Variants in BNIP3 observed in about 807,000 individuals in gnomAD.
The protein encoded by BNIP3 is BCL2/adenovirus E1B 19 kDa protein-interacting protein 3.
Under a neutral mutation model 23.9 loss-of-function variants are expected in BNIP3, and 16 were observed. The ratio of observed to expected loss-of-function variants is 0.67; its 90% CI spans 0.45 to 1.01. The LOEUF is 1.01. Ranked by LOEUF, BNIP3 falls within the 50% of genes least tolerant of loss-of-function variation. The pLI, the probability that BNIP3 is intolerant of heterozygous loss-of-function variation, is 0.00. For synonymous variants in BNIP3, 81 were observed against 89.3 expected, an observed-to-expected ratio of 0.91 and a Z score of 0.53; for missense variants, 198 against 248.7, an observed-to-expected ratio of 0.80 and a Z score of 1.37.
Position 131,976,702 on chromosome 10 carries a change from G to A in BNIP3, c.47-2759C>T, listed in dbSNP as rs2037080087. Among the ~76,000 whole-genome samples the A allele has an allele frequency of 6.6e-6, 1 of 151,806 alleles. No homozygotes were observed. Among genetic ancestry groups the A allele is most frequent in the African/African-American group, 2.4e-5 (1 of 41,270 alleles). On this transcript the variant is annotated intron_variant, in intron 1 of 5. Coordinates refer to ENST00000368636, the MANE Select transcript of BNIP3 (RefSeq NM_004052.4). The surrounding 1 kb of genome is among the most constrained non-coding windows in gnomAD (Gnocchi z 4.3). ...CCCAACCATGCTACCCGCACCTCAT[G>A]GCTCCCCCATCTCCATCTCCAGTCC... is the stretch of plus-strand genomic sequence containing the variant.
chr10:131,968,732 T>C (rs567680403), intron 5 of BNIP3, 163 bp from the exon 6 acceptor site: 79 of 564,338 alleles, frequency 1.4e-4, no homozygotes, highest in Non-Finnish European at 2.3e-4. Flanking sequence ...TGATCTTTTA[T>C]CTAGTGTTTT....
intron 3 of BNIP3, 188 bp from the exon 4 acceptor site, chr10:131,971,158 C>T (rs375817565): frequency 1.2e-5 from 7 of 598,184 alleles, no homozygotes; most frequent in Admixed American, 8.8e-5. Context: ...GCCGCACTCC[C>T]GGCTCACAGC....
chr10:131,971,258 C>T, intron 3 of BNIP3: 2 of 430,016 alleles, frequency 4.7e-6, no homozygotes, highest in Admixed American at 3.8e-5. Context: ...TCTGGGGGTA[C>T]TGACAGCGGC....
At position 131,970,447 on chromosome 10, in the gene BNIP3, G is replaced by A; in HGVS notation, c.539+191C>T. On this transcript the variant is annotated intron_variant, in intron 5 of 5. Transcript: ENST00000368636. This position sits in a 1 kb window ranked among gnomAD's most constrained non-coding sequence, Gnocchi z 4.1. ...CAGACAGCAGCACCACAGGGCGCCT[G>A]TGCTGGGGCCTTTGGGGGCTGCAGG... is the stretch of plus-strand genomic sequence containing the variant. 2 of 782,790 alleles carry A rather than the reference G, an allele frequency of 2.6e-6. No individual in the cohort carries two copies. The highest frequency in any genetic ancestry group is 4.0e-6 in the Non-Finnish European group (2 of 503,918). The allele number at this position is 782,790 out of a possible 1,614,324, so 48.5% of individuals were successfully genotyped here. A position where few individuals can be genotyped will look rare whatever the true frequency, so the allele number is the denominator to read the frequency against.
intron 1 of BNIP3, among the ~76,000 whole-genome samples, chr10:131,978,414 G>C (rs2037095789): frequency 1.3e-5 from 2 of 150,850 alleles, no homozygotes; most frequent in South Asian, 4.2e-4. Context: ...CTGACATCCA[G>C]CTTTTCTAGG....
Position 131,970,291 on chromosome 10 carries a change from GTGCATTC to G in BNIP3, c.539+340_539+346del, listed in dbSNP as rs751153544. On this transcript the variant is annotated intron_variant, in intron 5 of 5. Coordinates refer to ENST00000368636, the MANE Select transcript of BNIP3 (RefSeq NM_004052.4). This position sits in a 1 kb window ranked among gnomAD's most constrained non-coding sequence, Gnocchi z 4.1. ...GACCCTCCACCTACAGCAGAGCTGG[GTGCATTC>G]CCGCCACAGTACTACACAGAAATGA... 3.2e-5 allele frequency: 9 copies of G among 277,746 alleles called. No individual in the cohort carries two copies. The highest frequency in any genetic ancestry group is 4.7e-5 in the Non-Finnish European group (7 of 148,138). 17.2% of individuals were successfully genotyped at this position (277,746 alleles called of 1,614,324 possible).
At chr10:131,975,811 G>T (rs1022770241) in intron 1 of BNIP3, among the ~76,000 whole-genome samples, 3 of 152,214 alleles carry the variant, frequency 2.0e-5, no homozygotes, top group African/African-American at 7.2e-5. Context: ...ACGCATGATT[G>T]TTCTCTTTGG....
rs1564834486 is a variant in BNIP3 at position 131,970,895 on chromosome 10, A to C, written c.358T>G (p.Trp120Gly). 1 of 1,614,226 alleles carries C rather than the reference A, an allele frequency of 6.2e-7. No homozygotes were observed. The change falls in exon 4 of 6, where the codon TGG becomes GGG. Residue 120 changes from tryptophan to glycine, a missense_variant. Coordinates refer to ENST00000368636, the MANE Select transcript of BNIP3 (RefSeq NM_004052.4). The surrounding 1 kb of genome is among the most constrained non-coding windows in gnomAD (Gnocchi z 4.1). ...LKKNSDWIWD[W>G]SSRPENIPPK... ...GGAATATTTTCCGGCCGACTTGACC[A>C]ATCCCATATCCAATCTGAGTTTTTC...
chr10:131,970,325 ACTG>A lies in BNIP3; in HGVS notation c.539+310_539+312del, dbSNP rs1321308023. 22 of 399,956 alleles carry A rather than the reference ACTG, an allele frequency of 5.5e-5. No individual in the cohort carries two copies. Among genetic ancestry groups the A allele is most frequent in the African/African-American group, 4.1e-4 (20 of 49,248 alleles). 24.8% of individuals were successfully genotyped at this position (399,956 alleles called of 1,614,324 possible). ...CGCCACAGTACTACACAGAAATGAGACTGCTTTCACCTACACACAGGACAAAGA... is the reference window on the plus strand; with the variant it reads ...CGCCACAGTACTACACAGAAATGAGACTTTCACCTACACACAGGACAAAGA... On this transcript the variant is annotated intron_variant, in intron 5 of 5. Coordinates refer to ENST00000368636, the MANE Select transcript of BNIP3 (RefSeq NM_004052.4). The surrounding 1 kb of genome is among the most constrained non-coding windows in gnomAD (Gnocchi z 4.1).
At chr10:131,974,066 A>G in intron 1 of BNIP3, 123 bp from the exon 2 acceptor site, 1 of 1,285,376 alleles carries the variant, frequency 7.8e-7, no homozygotes, top group African/African-American at 1.5e-5. Context: ...ACCAGGAACC[A>G]TCCCTCAACC....
At chr10:131,972,607 C>A (rs903426341) in intron 3 of BNIP3, among the ~76,000 whole-genome samples, 20 of 152,152 alleles carry the variant, frequency 1.3e-4, no homozygotes, top group South Asian at 4.1e-4. Flanking sequence ...ACTCCTGAGT[C>A]CCACACAGCA....
At chr10:131,981,721 C>A (rs770551899) in intron 1 of BNIP3, 40 bp downstream of exon 1, 70 of 1,454,474 alleles carry the variant, frequency 4.8e-5, no homozygotes, top group Non-Finnish European at 6.1e-5. Flanking sequence ...GGCTTCCCCC[C>A]CGCGCCCCCT....
chr10:131,972,442 C>T (rs2037043445), intron 3 of BNIP3, among the ~76,000 whole-genome samples: 1 of 152,148 alleles, frequency 6.6e-6, no homozygotes. Flanking sequence ...GCTGATCAGC[C>T]GCTAATGCTA....
chr10:131,974,064 CCATCCCTCAACCCCGACTTGAAGA>C (rs2037062070), intron 1 of BNIP3, 121 bp from the exon 2 acceptor site: 1 of 1,317,918 alleles, frequency 7.6e-7, no homozygotes, highest in East Asian at 2.4e-5. Context: ...ACACCAGGAA[CCATCCCTCAACCCCGACTTGAAGA>C]CATCCCTCTG....
At chr10:131,981,433 A>G (rs2037117923) in intron 1 of BNIP3, 1 of 390,336 alleles carries the variant, frequency 2.6e-6, no homozygotes, top group Admixed American at 4.6e-5. Context: ...GTTCGGTCCA[A>G]CTGCGAGACG....
chr10:131,972,951 G>T, intron 3 of BNIP3, 83 bp downstream of exon 3: 1 of 1,360,126 alleles, frequency 7.4e-7, no homozygotes. Flanking sequence ...TTTTCTCTGA[G>T]GTGCTCAATT....
In BNIP3 at chr10:131,973,799, CAGTG is replaced by C. The variant is rs1367203300; in HGVS notation, c.187_190del (p.His63ValfsTer47). ...CTTGTTGATGCGCGCCTACCTGTCA[CAGTG>C]AGAGCTCTTGGAGCTACTCCGTCCA... On this transcript the variant is annotated frameshift_variant, in exon 2 of 6. Transcript: ENST00000368636. LOFTEE classifies it high-confidence loss of function. The C allele has an allele frequency of 1.2e-6, 2 of 1,612,224 alleles. No homozygotes were observed. The highest frequency in any genetic ancestry group is 1.7e-6 in the Non-Finnish European group (2 of 1,180,018).
chr10:131,971,308 G>T, intron 3 of BNIP3: 1 of 325,412 alleles, frequency 3.1e-6, no homozygotes, highest in Non-Finnish European at 5.8e-6. Context: ...TGAGGGCAAA[G>T]ATGGTGACGG....
Position 131,970,933 on chromosome 10 carries a change from T to C in BNIP3, c.320A>G (p.Glu107Gly). 6.2e-7 allele frequency: 1 copy of C among 1,614,254 alleles called. No homozygotes were observed. ...EDDIERRKEV[E>G]SILKKNSDWI... ...ATCTGAGTTTTTCTTCAAGATGCTTTCAACTTCTTTCCTTCTTTCAATATC... is the reference window on the plus strand; with the variant it reads ...ATCTGAGTTTTTCTTCAAGATGCTTCCAACTTCTTTCCTTCTTTCAATATC... The change falls in exon 4 of 6, where the codon GAA (glutamate) becomes GGA (glycine). Residue 107 changes from glutamate (E) to glycine (G), a missense_variant. Coordinates refer to ENST00000368636, the MANE Select transcript of BNIP3 (RefSeq NM_004052.4). This position sits in a 1 kb window ranked among gnomAD's most constrained non-coding sequence, Gnocchi z 4.1.
Sources: allele counts gnomAD v4.1 joint callset (sites outside exome capture counted in the v4.1 genomes callset), GRCh38; gene constraint gnomAD v4.1.1; non-coding constraint Gnocchi (gnomAD v3.1); transcripts MANE v1.5; gene names NCBI Gene and HGNC (gene_info 2026-07-23, HGNC 2026-07-21).